SNX14: variants seen among roughly 807,000 people sequenced by gnomAD.
SNX14 encodes the protein sorting nexin 14.
A neutral mutation model predicts 133.8 loss-of-function variants in SNX14; 93 were observed. The observed-to-expected ratio is 0.70, with a 90% confidence interval of 0.59 to 0.83. The LOEUF is 0.83. SNX14 is among the 40% of genes least tolerant of loss of function. The probability of loss-of-function intolerance (pLI) is 0.00; values close to 1 mark genes in which losing one functional copy is unlikely to be tolerated. For missense variants in SNX14, 945 were observed against 1,094.9 expected (o/e 0.86, Z 1.93); for synonymous variants, 368 against 365.6 (o/e 1.01, Z -0.07).
intron 12 of SNX14, among the ~76,000 whole-genome samples, chr6:85,545,456 A>G (rs879099502): frequency 6.6e-6 from 1 of 152,200 alleles, no homozygotes; most frequent in Non-Finnish European, 1.5e-5. Context: ...AGATATACAA[A>G]TGAACACTCA....
intron 27 of SNX14, among the ~76,000 whole-genome samples, chr6:85,507,622 T>C (rs116649216): frequency 0.017 from 2,544 of 152,286 alleles, 32 homozygotes; most frequent in Non-Finnish European, 0.027. Flanking sequence ...AGCTTATACA[T>C]AGTTTACATA....
chr6:85,585,619 T>C (rs1171569816), intron 1 of SNX14, among the ~76,000 whole-genome samples: 1 of 152,178 alleles, frequency 6.6e-6, no homozygotes, highest in African/African-American at 2.4e-5. Context: ...GTTAGTAGGG[T>C]ACCAATTATT....
At chr6:85,562,485 T>G (rs910699651) in intron 6 of SNX14, among the ~76,000 whole-genome samples, 5 of 152,130 alleles carry the variant, frequency 3.3e-5, no homozygotes, top group African/African-American at 9.7e-5. Context: ...ATGTATTATA[T>G]TTACTCAATT....
intron 8 of SNX14, among the ~76,000 whole-genome samples, chr6:85,549,494 G>A (rs1204501795): frequency 6.6e-6 from 1 of 152,038 alleles, no homozygotes; most frequent in Non-Finnish European, 1.5e-5. Context: ...TCCAAGATCA[G>A]TTTTAAAGAA....
At chr6:85,547,089 T>C (rs1785851077) in intron 12 of SNX14, 23 bp downstream of exon 12, 2 of 1,565,592 alleles carry the variant, frequency 1.3e-6, no homozygotes, top group South Asian at 1.1e-5. Context: ...ATTACTTTCG[T>C]AAAATACACA....
chr6:85,514,412 G>T (rs1774063997), intron 24 of SNX14, 94 bp downstream of exon 24: 2 of 1,492,574 alleles, frequency 1.3e-6, no homozygotes, highest in Non-Finnish European at 1.8e-6. Context: ...CAATTAAAAA[G>T]ACAGTTATGA....
In SNX14 at chr6:85,526,113, T is replaced by C. The variant is rs756450912; in HGVS notation, c.2107+13A>G. 2 of 1,472,440 alleles carry C rather than the reference T, an allele frequency of 1.4e-6. No homozygotes were observed. The highest frequency in any genetic ancestry group is 2.3e-5 in the East Asian group (1 of 43,334). 91.2% of individuals were successfully genotyped at this position (1,472,440 alleles called of 1,614,324 possible). A position where few individuals can be genotyped will look rare whatever the true frequency, so the allele number is the denominator to read the frequency against. ...AGCTTATTATCTTATAATGATTCTTTAAATTGACTTACCAAGATTTACATC... is the reference window on the plus strand; with the variant it reads ...AGCTTATTATCTTATAATGATTCTTCAAATTGACTTACCAAGATTTACATC... On this transcript the variant is annotated intron_variant, in intron 21 of 28. Coordinates refer to ENST00000314673, the MANE Select transcript of SNX14 (RefSeq NM_153816.6).
At chr6:85,543,431 T>C (rs1309744167) in intron 13 of SNX14, 125 bp from the exon 14 acceptor site, 1 of 1,070,150 alleles carries the variant, frequency 9.3e-7, no homozygotes, top group African/African-American at 1.6e-5. Context: ...CAAGCTCTAG[T>C]TCTGACAAAT....
chr6:85,568,288 AT>A lies in SNX14; in HGVS notation c.418-712del, dbSNP rs143632193. ...TCCATTCCTAACTTTATAAGTCAGT[AT>A]TTTCAGAATACAGTGAAGAAACAAG... On this transcript the variant is annotated intron_variant, in intron 4 of 28. Transcript: ENST00000314673. The A allele has an allele frequency of 2.0e-5, 3 of 152,328 alleles. No homozygotes were observed. The East Asian group carries it at 5.8e-4, about 29-fold the overall frequency. 9.4% of individuals were successfully genotyped at this position (152,328 alleles called of 1,614,324 possible).
intron 26 of SNX14, among the ~76,000 whole-genome samples, chr6:85,510,127 A>C (rs2127766682): frequency 6.6e-6 from 1 of 152,308 alleles, no homozygotes; most frequent in East Asian, 1.9e-4. Context: ...CTGGGTGGAC[A>C]TGTTTTCAAC....
intron 21 of SNX14, among the ~76,000 whole-genome samples, chr6:85,521,437 C>T (rs1280559205): frequency 6.6e-6 from 1 of 152,022 alleles, no homozygotes; most frequent in Non-Finnish European, 1.5e-5. Flanking sequence ...GACAGAGTCT[C>T]ACTTACGTTG....
intron 1 of SNX14, among the ~76,000 whole-genome samples, chr6:85,580,993 T>G (rs901376747): frequency 2.0e-5 from 3 of 152,054 alleles, no homozygotes; most frequent in Non-Finnish European, 4.4e-5. Flanking sequence ...AGCCCTAACA[T>G]AGTCAGTAGC....
At chr6:85,518,124 G>A in intron 21 of SNX14, 76 bp from the exon 22 acceptor site, 1 of 1,208,626 alleles carries the variant, frequency 8.3e-7, no homozygotes, top group Non-Finnish European at 1.2e-6. Flanking sequence ...ACTTAACCAG[G>A]TAATTTTAAA....
At chr6:85,511,687 G>C (rs1772873613) in intron 26 of SNX14, among the ~76,000 whole-genome samples, 1 of 152,172 alleles carries the variant, frequency 6.6e-6, no homozygotes. Context: ...CTGATGTGAT[G>C]ATGGACTACC....
At chr6:85,586,521 T>C (rs1562014706) in intron 1 of SNX14, among the ~76,000 whole-genome samples, 2 of 152,238 alleles carry the variant, frequency 1.3e-5, no homozygotes, top group Non-Finnish European at 2.9e-5. Context: ...TATTAGATGA[T>C]ATTAACCAAT....
chr6:85,579,466 C>T (rs1798381729), intron 1 of SNX14, among the ~76,000 whole-genome samples: 1 of 152,150 alleles, frequency 6.6e-6, no homozygotes, highest in African/African-American at 2.4e-5. Context: ...TGACTGATCA[C>T]AGTACATGAT....
At chr6:85,541,184 G>A (rs1426846137) in intron 15 of SNX14, among the ~76,000 whole-genome samples, 2 of 151,746 alleles carry the variant, frequency 1.3e-5, no homozygotes, top group Non-Finnish European at 2.9e-5. Flanking sequence ...TTAGAGATGG[G>A]GTTTCACCAC....
At chr6:85,586,157 G>A (rs1371453234) in intron 1 of SNX14, among the ~76,000 whole-genome samples, 2 of 152,080 alleles carry the variant, frequency 1.3e-5, no homozygotes, top group Non-Finnish European at 2.9e-5. Context: ...ATGGCAAGGA[G>A]AAAAAAATGG....
chr6:85,539,627 A>C (rs1783007382), intron 15 of SNX14, among the ~76,000 whole-genome samples: 1 of 152,162 alleles, frequency 6.6e-6, no homozygotes, highest in Non-Finnish European at 1.5e-5. Flanking sequence ...CAATGAAAGA[A>C]TGTTAAGAAA....
Sources: allele counts gnomAD v4.1 joint callset (sites outside exome capture counted in the v4.1 genomes callset), GRCh38; gene constraint gnomAD v4.1.1; transcripts MANE v1.5; gene names NCBI Gene and HGNC (gene_info 2026-07-23, HGNC 2026-07-21).